Variants in WDR70 observed in about 807,000 individuals in gnomAD.
WDR70 encodes the protein WD repeat domain 70.
WDR70 carries 53 observed loss-of-function variants against 88.6 expected under a neutral mutation model. The observed-to-expected ratio is 0.60, with a 90% CI of 0.48 to 0.75. The LOEUF (loss-of-function observed/expected upper bound fraction) is 0.75, where lower values mean the gene tolerates loss of function less well. Ranked by LOEUF, WDR70 falls within the 30% of genes least tolerant of loss-of-function variation. WDR70 has a pLI of 0.00. For missense variants in WDR70, 610 were observed against 823.2 expected (o/e 0.74, Z 3.17); for synonymous variants, 280 against 270.0 (o/e 1.04, Z -0.36).
At chr5:37,603,218 C>T (rs948831513) in intron 9 of WDR70, among the ~76,000 whole-genome samples, 15 of 151,846 alleles carry the variant, frequency 9.9e-5, no homozygotes, top group African/African-American at 3.4e-4. Context: ...AGGCAAAAAG[C>T]TGGAGACATC....
At chr5:37,505,766 G>A in intron 8 of WDR70, 1 of 1,397,198 alleles carries the variant, frequency 7.2e-7, no homozygotes, top group Admixed American at 1.7e-5. Context: ...ACCCTCTCAA[G>A]TTGGCTTCTT....
At chr5:37,577,721 TC>T (rs946751002) in intron 9 of WDR70, among the ~76,000 whole-genome samples, 12 of 152,042 alleles carry the variant, frequency 7.9e-5, no homozygotes, top group African/African-American at 2.9e-4. Flanking sequence ...ATGCTGACTC[TC>T]CCCAAGTGAT....
At chr5:37,685,441 A>G (rs1307320789) in intron 10 of WDR70, among the ~76,000 whole-genome samples, 1 of 151,998 alleles carries the variant, frequency 6.6e-6, no homozygotes, top group Non-Finnish European at 1.5e-5. Flanking sequence ...TGTAGGAGCT[A>G]TGATATAGGC....
At chr5:37,440,274 A>G (rs2112045407) in intron 6 of WDR70, among the ~76,000 whole-genome samples, 1 of 152,294 alleles carries the variant, frequency 6.6e-6, no homozygotes, top group Admixed American at 6.5e-5. Context: ...AAAGGAGGAG[A>G]GGGTGATACA....
chr5:37,498,780 C>G (rs1291320786), intron 8 of WDR70, among the ~76,000 whole-genome samples: 1 of 152,190 alleles, frequency 6.6e-6, no homozygotes, highest in African/African-American at 2.4e-5. Context: ...ACCAACAAAA[C>G]TTTATGAAGA....
intron 8 of WDR70, among the ~76,000 whole-genome samples, chr5:37,484,093 T>C (rs866510981): frequency 6.6e-6 from 1 of 150,978 alleles, no homozygotes; most frequent in Admixed American, 6.6e-5. Context: ...GCAGAGGGGC[T>C]CCTCACATCC....
intron 9 of WDR70, among the ~76,000 whole-genome samples, chr5:37,584,838 T>TA (rs1389501444): frequency 7.2e-5 from 11 of 151,778 alleles, no homozygotes; most frequent in African/African-American, 2.4e-5. Flanking sequence ...CACTTGGTCC[T>TA]ATGCTGACCA....
At chr5:37,621,989 G>A (rs1006388644) in intron 10 of WDR70, among the ~76,000 whole-genome samples, 2 of 152,104 alleles carry the variant, frequency 1.3e-5, no homozygotes, top group Non-Finnish European at 2.9e-5. Context: ...ATAGGGAATA[G>A]TTTCCCCATT....
intron 13 of WDR70, among the ~76,000 whole-genome samples, chr5:37,719,822 T>G (rs1469022193): frequency 1.3e-5 from 2 of 148,164 alleles, no homozygotes; most frequent in African/African-American, 2.5e-5. Flanking sequence ...ATTTCTTTGT[T>G]TTTTTCTTTC....
chr5:37,593,311 C>T (rs1291565415), intron 9 of WDR70, among the ~76,000 whole-genome samples: 1 of 152,060 alleles, frequency 6.6e-6, no homozygotes, highest in African/African-American at 2.4e-5. Flanking sequence ...TCCCCCTGCT[C>T]CCCACCCCTC....
intron 8 of WDR70, among the ~76,000 whole-genome samples, chr5:37,485,608 C>T (rs925846883): frequency 7.2e-5 from 11 of 152,000 alleles, no homozygotes; most frequent in South Asian, 2.1e-4. Context: ...TTCATTCAGG[C>T]GTGAGTGCTG....
At chr5:37,483,417 G>A (rs1451532707) in intron 8 of WDR70, among the ~76,000 whole-genome samples, 1 of 152,118 alleles carries the variant, frequency 6.6e-6, no homozygotes, top group Non-Finnish European at 1.5e-5. Context: ...ACAGGGTTGG[G>A]GGTAAGGTCA....
intron 3 of WDR70, among the ~76,000 whole-genome samples, chr5:37,384,334 A>G (rs1311323512): frequency 1.3e-5 from 2 of 151,754 alleles, no homozygotes; most frequent in African/African-American, 4.8e-5. Context: ...GGTTGGTGCT[A>G]CCACACCCCA....
rs147090211 is a variant in WDR70, at chr5:37,734,424, C to T, written c.1877+7379C>T. Among the ~76,000 whole-genome samples, 36 of 152,176 alleles carry T rather than the reference C, an allele frequency of 2.4e-4. 1 individual carries two copies. The highest frequency in any genetic ancestry group is 2.0e-3 in the Admixed American group (30 of 15,258). Reference sequence around the variant, plus strand: ...TATTTATTCATGCAAAAGAGATTTACTGAACACCAACTATGTGTTAGATAC... The same window carrying T: ...TATTTATTCATGCAAAAGAGATTTATTGAACACCAACTATGTGTTAGATAC... On this transcript the variant is annotated intron_variant, in intron 17 of 17. Transcript: ENST00000265107.
At chr5:37,646,578 T>C (rs1745245537) in intron 10 of WDR70, among the ~76,000 whole-genome samples, 1 of 152,148 alleles carries the variant, frequency 6.6e-6, no homozygotes, top group African/African-American at 2.4e-5. Flanking sequence ...TCAGCGTTGT[T>C]TGTCTAGGAA....
chr5:37,663,660 A>G (rs939928633), intron 10 of WDR70, among the ~76,000 whole-genome samples: 14 of 152,138 alleles, frequency 9.2e-5, no homozygotes, highest in Non-Finnish European at 1.9e-4. Flanking sequence ...ATTTACTTGG[A>G]AAAATAGGGA....
At chr5:37,494,844 T>G (rs929555964) in intron 8 of WDR70, among the ~76,000 whole-genome samples, 2 of 152,220 alleles carry the variant, frequency 1.3e-5, no homozygotes, top group African/African-American at 4.8e-5. Flanking sequence ...ACTCAGGAAT[T>G]AGACTTGGAC....
chr5:37,559,216 G>A (rs1230825551), intron 9 of WDR70, among the ~76,000 whole-genome samples: 1 of 152,152 alleles, frequency 6.6e-6, no homozygotes, highest in Non-Finnish European at 1.5e-5. Context: ...ACAGGCGTGA[G>A]CCACCATGCC....
intron 5 of WDR70, among the ~76,000 whole-genome samples, chr5:37,423,400 A>G (rs1750010312): frequency 2.0e-5 from 3 of 151,482 alleles, no homozygotes; most frequent in Admixed American, 1.3e-4. Flanking sequence ...ACAAGGGAAG[A>G]AAAAGGAAGA....
Sources: gnomAD v4.1 joint callset for allele counts (sites outside exome capture counted in the v4.1 genomes callset) on GRCh38, gnomAD v4.1.1 for gene constraint, MANE v1.5 for transcripts, NCBI Gene and HGNC (gene_info 2026-07-23, HGNC 2026-07-21) for gene names.